ZNF551: variants seen among roughly 807,000 people sequenced by gnomAD.
The protein encoded by ZNF551 is zinc finger protein 551.
ZNF551 carries 5 observed loss-of-function variants against 7.9 expected under a neutral mutation model. The ratio of observed to expected loss-of-function variants is 0.63; its 90% CI spans 0.33 to 1.33. ZNF551 has a LOEUF of 1.33. Ranked by LOEUF, ZNF551 falls within the 40% of genes most tolerant of loss-of-function variation. The pLI, the probability that ZNF551 is intolerant of heterozygous loss-of-function variation, is 0.05. For synonymous variants in ZNF551, 287 were observed against 277.3 expected (o/e 1.03, Z -0.35); for missense variants, 788 against 825.2 (o/e 0.95, Z 0.55).
In ZNF551 at chr19:57,686,863, C is replaced by G. The variant is rs150173912; in HGVS notation, c.588C>G (p.His196Gln). 97 of 1,614,042 alleles carry G rather than the reference C, an allele frequency of 6.0e-5. No homozygotes were observed. The highest frequency in any genetic ancestry group is 1.5e-4 in the Admixed American group (9 of 60,004). The change falls in exon 3 of 3, where the codon CAC becomes CAG. Residue 196 changes from histidine (H) to glutamine (Q), a missense_variant. His to Gln is a conservative substitution (Grantham distance 24). Transcript: ENST00000282296. ...CAGCCCCCACGGACCTACTCCAACACGAAGCCACTCCCAGTGGTGAGGAGC... is the reference window on the plus strand; with the variant it reads ...CAGCCCCCACGGACCTACTCCAACAGGAAGCCACTCCCAGTGGTGAGGAGC... Reference protein sequence around the residue: ...AFPAPTDLLQHEATPSGEEPH... With the variant: ...AFPAPTDLLQQEATPSGEEPH...
rs144620866 is a variant in ZNF551 at position 57,687,213 on chromosome 19, A to T, written c.938A>T (p.Glu313Val). The T allele has an allele frequency of 3.0e-5, 49 of 1,613,482 alleles. No individual in the cohort carries two copies. Among genetic ancestry groups the T allele is most frequent in the Middle Eastern group, 1.6e-4 (1 of 6,076 alleles). ...AGGCCTTATGAATGCAGTGATCGTGAGAAAGCCTTTATCCATAAATCTGAA... is the reference window on the plus strand; with the variant it reads ...AGGCCTTATGAATGCAGTGATCGTGTGAAAGCCTTTATCCATAAATCTGAA... The part of the protein sequence containing the change: ...GERPYECSDR[E>V]KAFIHKSEFI... Residue 313 changes from glutamate to valine, a missense_variant, in exon 3 of 3, where the codon GAG becomes GTG. Glu to Val is a moderately radical substitution (Grantham distance 121, BLOSUM62 -2). Coordinates refer to ENST00000282296, the MANE Select transcript of ZNF551 (RefSeq NM_138347.5).
chr19:57,682,140 C>G lies in ZNF551; in HGVS notation c.-24C>G. 1.9e-6 allele frequency: 3 copies of G among 1,539,526 alleles called. No individual in the cohort carries two copies. The highest frequency in any genetic ancestry group is 2.6e-6 in the Non-Finnish European group (3 of 1,141,692). ...CACCTCGGGTGAGCTGCGCCAGGCC[C>G]GGGATAGGGACTGTTGTGTTCGAAT... On this transcript the variant is annotated 5_prime_UTR_variant, in exon 1 of 3. Coordinates refer to ENST00000282296, the MANE Select transcript of ZNF551 (RefSeq NM_138347.5).
intron 1 of ZNF551, 30 bp downstream of exon 1, chr19:57,682,274 A>C (rs377296227): frequency 9.7e-6 from 15 of 1,545,902 alleles, no homozygotes; most frequent in African/African-American, 9.6e-5. Context: ...GGTCTCGCCT[A>C]CCTCCCCCAG....
Position 57,686,460 on chromosome 19 carries a change from TCAG to T in ZNF551, c.206-18_206-16del. On this transcript the variant is annotated intron_variant, in intron 2 of 2. Transcript: ENST00000282296. ...TCCATGAAAGTCAGCATGCATTTCA[TCAG>T]CATTTCTCTGCTTTCAGGTTATTGC... The T allele has an allele frequency of 6.3e-7, 1 of 1,593,430 alleles. No homozygotes were observed.
intron 2 of ZNF551, 22 bp downstream of exon 2, chr19:57,685,407 G>A (rs777651190): frequency 8.7e-6 from 14 of 1,613,882 alleles, no homozygotes; most frequent in African/African-American, 5.3e-5. Flanking sequence ...GCATCCCTCC[G>A]AGTGTCTGCT....
At chr19:57,682,369 G>A in intron 1 of ZNF551, 125 bp downstream of exon 1, 1 of 1,029,810 alleles carries the variant, frequency 9.7e-7, no homozygotes, top group Non-Finnish European at 1.4e-6. Context: ...GGCGCTTGTG[G>A]ATTGGACCCG....
chr19:57,685,162 G>C, intron 1 of ZNF551, 100 bp from the exon 2 acceptor site: 1 of 1,529,482 alleles, frequency 6.5e-7, no homozygotes, highest in Non-Finnish European at 8.9e-7. Flanking sequence ...GGTTATCTCC[G>C]CTGAGGTGGG....
At position 57,686,484 on chromosome 19, in the gene ZNF551, A is replaced by G; in HGVS notation, c.209A>G (p.Tyr70Cys). The G allele has an allele frequency of 6.2e-7, 1 of 1,600,622 alleles. No homozygotes were observed. The highest frequency in any genetic ancestry group is 8.6e-7 in the Non-Finnish European group (1 of 1,169,174). The stretch of plus-strand genomic sequence containing the variant: ...ATCAGCATTTCTCTGCTTTCAGGTT[A>G]TTGCCATGGAATGGAGAATGAGGCG... Reference protein sequence around the residue: ...ENFAHVTSLGYCHGMENEAIA... With the variant: ...ENFAHVTSLGCCHGMENEAIA... Residue 70 changes from tyrosine to cysteine, a missense_variant, in exon 3 of 3, where the codon TAT becomes TGT. Tyr to Cys is a radical substitution (Grantham distance 194, BLOSUM62 -2). Transcript: ENST00000282296.
Position 57,687,479 on chromosome 19 carries a change from C to T in ZNF551, c.1204C>T (p.Gln402Ter), listed in dbSNP as rs1326584611. Residue 402 changes from glutamine to a stop codon, truncating the protein, a stop_gained, in exon 3 of 3, where the codon CAA (glutamine) becomes TAA (stop). Transcript: ENST00000282296. LOFTEE classifies it low-confidence loss of function (END_TRUNC). Reference sequence around the variant, plus strand: ...CTGTGAGTGTGGGAAATCCTTTAGACAAATCTTCAATCTCATTCGACATAG... The same window carrying T: ...CTGTGAGTGTGGGAAATCCTTTAGATAAATCTTCAATCTCATTCGACATAG... ...QCCECGKSFR[Q>*]IFNLIRHRRV... 3 of 1,613,926 alleles carry T rather than the reference C, an allele frequency of 1.9e-6. No individual in the cohort carries two copies. Among genetic ancestry groups the T allele is most frequent in the Admixed American group, 1.7e-5 (1 of 60,004 alleles).
At chr19:57,685,477 C>A (rs1328890295) in intron 2 of ZNF551, 92 bp downstream of exon 2, 1 of 1,586,144 alleles carries the variant, frequency 6.3e-7, no homozygotes. Context: ...CCTAGTGGAT[C>A]TTATTTTTCT....
chr19:57,690,300 A>T lies in ZNF551; in HGVS notation c.*2012A>T, dbSNP rs1984720205. The T allele has an allele frequency of 6.6e-6, 1 of 151,914 alleles. No individual in the cohort carries two copies. The allele number at this position is 151,914 out of a possible 1,614,324, so 9.4% of individuals were successfully genotyped here. A position where few individuals can be genotyped will look rare whatever the true frequency, so the allele number is the denominator to read the frequency against. ...TTTTTATAATCTTTCTCCCTTCCCC[A>T]GCTCTTCAGGTTCAACTGATTTCCT... On this transcript the variant is annotated 3_prime_UTR_variant, in exon 3 of 3. Transcript: ENST00000282296.
rs944208006 is a variant in ZNF551, at chr19:57,690,026, CCT to C, written c.*1744_*1745del. The C allele has an allele frequency of 6.6e-6, 1 of 151,960 alleles. No individual in the cohort carries two copies. The highest frequency in any genetic ancestry group is 1.5e-5 in the Non-Finnish European group (1 of 68,004). The allele number at this position is 151,960 out of a possible 1,614,324, so 9.4% of individuals were successfully genotyped here. On this transcript the variant is annotated 3_prime_UTR_variant, in exon 3 of 3. Coordinates refer to ENST00000282296, the MANE Select transcript of ZNF551 (RefSeq NM_138347.5). ...ATTTGCTGCCCCTGAGGCAAGGTTG[CCT>C]CTCTCAGGGCATGAGGAGAGAGAGA...
intron 2 of ZNF551, among the ~76,000 whole-genome samples, chr19:57,685,745 T>C (rs1042274540): frequency 4.6e-5 from 7 of 151,716 alleles, no homozygotes; most frequent in South Asian, 2.1e-4. Context: ...GGTAGCACAA[T>C]GAGGGCTGCA....
In ZNF551 at chr19:57,682,274, A is replaced by G. The variant is rs377296227; in HGVS notation, c.81+30A>G. 1.9e-5 allele frequency: 29 copies of G among 1,545,902 alleles called. No individual in the cohort carries two copies. In the South Asian group the frequency reaches 1.9e-4, roughly 10 times the overall value. On this transcript the variant is annotated intron_variant, in intron 1 of 2. Transcript: ENST00000282296. ...GTTGTGCGTCCTCCGGGTCTCGCCT[A>G]CCTCCCCCAGCAGAAGCCTTAAGGC... is the stretch of plus-strand genomic sequence containing the variant.
At position 57,686,882 on chromosome 19, in the gene ZNF551, G is replaced by T. The variant is rs776303245; in HGVS notation, c.607G>T (p.Glu203Ter). ...CCAACACGAAGCCACTCCCAGTGGT[G>T]AGGAGCCACACAGTAGCAGCAGCAA... Reference protein sequence around the residue: ...LLQHEATPSGEEPHSSSSKHI... With the variant: ...LLQHEATPSG Residue 203 changes from glutamate to a stop codon, truncating the protein, a stop_gained, in exon 3 of 3, where the codon GAG becomes TAG. Transcript: ENST00000282296. LOFTEE classifies it low-confidence loss of function (END_TRUNC). 6.2e-7 allele frequency: 1 copy of T among 1,614,072 alleles called. No homozygotes were observed. The highest frequency in any genetic ancestry group is 1.1e-5 in the South Asian group (1 of 91,094).
rs927448341 is a variant in ZNF551 at position 57,690,423 on chromosome 19, GTATA to G, written c.*2142_*2145del. 8 of 149,112 alleles carry G rather than the reference GTATA, an allele frequency of 5.4e-5. No homozygotes were observed. The highest frequency in any genetic ancestry group is 2.0e-4 in the East Asian group (1 of 5,112). 9.2% of individuals were successfully genotyped at this position (149,112 alleles called of 1,614,324 possible). ...CACACGTATACGCATATACGTATAC[GTATA>G]TATATACATATGTGTTTATATATGT... On this transcript the variant is annotated 3_prime_UTR_variant, in exon 3 of 3. Transcript: ENST00000282296.
At position 57,688,132 on chromosome 19, in the gene ZNF551, A is replaced by G. The variant is rs1016858538; in HGVS notation, c.1857A>G (p.Gln619=). Reference sequence around the variant, plus strand: ...GAGAAAGACCTTATGAGTGCAGTCAATGTGGGAAACCCTTTACCCACAAAT... The same window carrying G: ...GAGAAAGACCTTATGAGTGCAGTCAGTGTGGGAAACCCTTTACCCACAAAT... ...HTGERPYECS[Q]CGKPFTHKSD... is the part of the protein sequence containing the mutation. The change falls in exon 3 of 3, where the codon CAA becomes CAG. Residue 619 remains glutamine (Q), a synonymous_variant. Coordinates refer to ENST00000282296, the MANE Select transcript of ZNF551 (RefSeq NM_138347.5). The G allele has an allele frequency of 4.4e-5, 71 of 1,614,024 alleles. No homozygotes were observed. The highest frequency in any genetic ancestry group is 5.4e-5 in the Non-Finnish European group (64 of 1,180,022).
intron 1 of ZNF551, 119 bp from the exon 2 acceptor site, chr19:57,685,143 A>G: frequency 7.3e-7 from 1 of 1,376,488 alleles, no homozygotes; most frequent in East Asian, 2.3e-5. Flanking sequence ...CATCGGTGGC[A>G]CTGTGGCTGG....
chr19:57,685,551 C>G lies in ZNF551; in HGVS notation c.205+166C>G, dbSNP rs556438224. ...GGTACCTTGTGGCCCAGTTTCTGCC[C>G]TTTTCCTCTAGCTGCCATTTCCTTA... On this transcript the variant is annotated intron_variant, in intron 2 of 2. Transcript: ENST00000282296. 2.2e-3 allele frequency: 2,329 copies of G among 1,036,804 alleles called. 14 individuals are homozygous for G. The highest frequency in any genetic ancestry group is 3.0e-3 in the Non-Finnish European group (2,019 of 678,276). The allele number at this position is 1,036,804 out of a possible 1,614,324, so 64.2% of individuals were successfully genotyped here. A position where few individuals can be genotyped will look rare whatever the true frequency, so the allele number is the denominator to read the frequency against.
Sources: allele counts gnomAD v4.1 joint callset (sites outside exome capture counted in the v4.1 genomes callset), GRCh38; gene constraint gnomAD v4.1.1; transcripts MANE v1.5; gene names NCBI Gene and HGNC (gene_info 2026-07-23, HGNC 2026-07-21).